The following HMGA2 variants were observed in gnomAD, a reference collection of about 807,000 sequenced individuals.
HMGA2 encodes high mobility group AT-hook 2.
In HMGA2, 8 loss-of-function variants were observed where a neutral mutation model predicts 19.1. That is an observed-to-expected ratio of 0.42 (90% CI 0.25 to 0.76). The LOEUF is 0.76. Among genes scored for constraint, HMGA2 ranks in the 30% least tolerant of loss-of-function variants. The pLI, the probability that HMGA2 is intolerant of heterozygous loss-of-function variation, is 0.28. For synonymous variants in HMGA2, 60 were observed against 48.8 expected (o/e 1.23, Z -0.96); for missense variants, 109 against 136.3 (o/e 0.80, Z 1.00).
At chr12:65,904,763 G>A (rs1874514178) in intron 3 of HMGA2, among the ~76,000 whole-genome samples, 1 of 152,110 alleles carries the variant, frequency 6.6e-6, no homozygotes, top group African/African-American at 2.4e-5. Flanking sequence ...GTAAATTATA[G>A]AGTGAAACTG....
At chr12:65,891,884 C>T (rs578034472) in intron 3 of HMGA2, among the ~76,000 whole-genome samples, 10 of 152,360 alleles carry the variant, frequency 6.6e-5, no homozygotes, top group African/African-American at 2.4e-4. Flanking sequence ...CCCAGCACAA[C>T]GGAGGCTACC....
intron 3 of HMGA2, among the ~76,000 whole-genome samples, chr12:65,937,339 C>T (rs1008289016): frequency 5.3e-5 from 8 of 152,058 alleles, no homozygotes; most frequent in African/African-American, 1.9e-4. Flanking sequence ...GACAGGGAGC[C>T]GGAAGAGCGG....
chr12:65,895,549 A>G (rs946146814), intron 3 of HMGA2, among the ~76,000 whole-genome samples: 1 of 152,218 alleles, frequency 6.6e-6, no homozygotes, highest in Non-Finnish European at 1.5e-5. Context: ...TAGACCTGGC[A>G]TTCCTTTTGC....
intron 3 of HMGA2, among the ~76,000 whole-genome samples, chr12:65,948,956 A>G (rs1260763287): frequency 6.6e-6 from 1 of 152,232 alleles, no homozygotes; most frequent in East Asian, 1.9e-4. Flanking sequence ...TCAGCCTGCA[A>G]GAATGTATGT....
intron 3 of HMGA2, among the ~76,000 whole-genome samples, chr12:65,890,039 A>G (rs368562102): frequency 2.6e-5 from 4 of 152,162 alleles, no homozygotes; most frequent in East Asian, 1.9e-4. Context: ...CAACAACAAC[A>G]TCGTCAACTC....
At chr12:65,895,620 A>G (rs1207478741) in intron 3 of HMGA2, among the ~76,000 whole-genome samples, 1 of 152,202 alleles carries the variant, frequency 6.6e-6, no homozygotes, top group East Asian at 1.9e-4. Flanking sequence ...TATATTTGCC[A>G]TATGTTAGTT....
chr12:65,911,880 T>C (rs1874860077), intron 3 of HMGA2, among the ~76,000 whole-genome samples: 1 of 152,220 alleles, frequency 6.6e-6, no homozygotes, highest in Non-Finnish European at 1.5e-5. Flanking sequence ...TGTATGTTTA[T>C]TAACAATTCC....
At chr12:65,952,282 T>G in intron 4 of HMGA2, 1 of 1,041,644 alleles carries the variant, frequency 9.6e-7, no homozygotes, top group Non-Finnish European at 1.4e-6. Flanking sequence ...AACTCTTTCA[T>G]GTAATTTTAA....
chr12:65,866,698 C>T (rs185904178), intron 3 of HMGA2: 81 of 414,386 alleles, frequency 2.0e-4, no homozygotes, highest in Admixed American at 1.9e-3. Flanking sequence ...TACCTTAGCC[C>T]GCTTCTCATT....
At chr12:65,861,300 A>G (rs1298169334) in intron 3 of HMGA2, among the ~76,000 whole-genome samples, 1 of 152,178 alleles carries the variant, frequency 6.6e-6, no homozygotes, top group Non-Finnish European at 1.5e-5. Context: ...TGGGAGGTGG[A>G]GGTTGCAGTG....
intron 3 of HMGA2, among the ~76,000 whole-genome samples, chr12:65,898,065 T>A (rs1874210220): frequency 6.6e-6 from 1 of 152,214 alleles, no homozygotes. Context: ...ATTTTAATTT[T>A]GCCTTGACTT....
chr12:65,927,686 G>A (rs1179877622), intron 3 of HMGA2, among the ~76,000 whole-genome samples: 78 of 152,026 alleles, frequency 5.1e-4, no homozygotes, highest in Non-Finnish European at 1.0e-4. Flanking sequence ...CTGATTTACA[G>A]CTAATTGTAT....
chr12:65,878,999 TTGCACAGAAACTG>T (rs1873208354), intron 3 of HMGA2, among the ~76,000 whole-genome samples: 2 of 152,246 alleles, frequency 1.3e-5, no homozygotes, highest in Admixed American at 1.3e-4. Flanking sequence ...CTATATAATG[TTGCACAGAAACTG>T]TGCAGTTTCT....
chr12:65,939,426 G>A (rs1368746026), intron 3 of HMGA2, among the ~76,000 whole-genome samples: 1 of 151,892 alleles, frequency 6.6e-6, no homozygotes, highest in Non-Finnish European at 1.5e-5. Flanking sequence ...CGTGATCTCG[G>A]CTCACTGCAA....
At chr12:65,903,088 T>G (rs1874440699) in intron 3 of HMGA2, among the ~76,000 whole-genome samples, 1 of 152,192 alleles carries the variant, frequency 6.6e-6, no homozygotes, top group African/African-American at 2.4e-5. Flanking sequence ...TTGTTTGTTT[T>G]TTTAAAGAAA....
In HMGA2 at chr12:65,907,582, G is replaced by A. The variant is rs147530032; in HGVS notation, c.250-43801G>A. Among the ~76,000 whole-genome samples, 177 of 152,184 alleles carry A rather than the reference G, an allele frequency of 1.2e-3. 1 individual carries two copies. The highest frequency in any genetic ancestry group is 4.0e-3 in the African/African-American group (164 of 41,512). ...TATGCCCCTCTTTGGAGGGACCTAG[G>A]AGGCCTATTCTTTGGGGAGTTCTTC... On this transcript the variant is annotated intron_variant, in intron 3 of 4. Coordinates refer to ENST00000403681, the MANE Select transcript of HMGA2 (RefSeq NM_003483.6).
chr12:65,846,630 T>G (rs1565706005), intron 3 of HMGA2, among the ~76,000 whole-genome samples: 1 of 152,216 alleles, frequency 6.6e-6, no homozygotes, highest in African/African-American at 2.4e-5. Flanking sequence ...AAACACTTTT[T>G]TTGTTGTTGT....
At chr12:65,908,791 A>C (rs1156241353) in intron 3 of HMGA2, among the ~76,000 whole-genome samples, 1 of 152,218 alleles carries the variant, frequency 6.6e-6, no homozygotes, top group Non-Finnish European at 1.5e-5. Context: ...TTTGCAACCC[A>C]ACTCCCATAT....
intron 3 of HMGA2, among the ~76,000 whole-genome samples, chr12:65,847,423 A>C (rs1409147458): frequency 1.3e-5 from 2 of 152,186 alleles, no homozygotes; most frequent in Admixed American, 1.3e-4. Flanking sequence ...TTTTTAAATC[A>C]CCAGGTCTTA....
Sources: allele counts gnomAD v4.1 joint callset (sites outside exome capture counted in the v4.1 genomes callset), GRCh38; gene constraint gnomAD v4.1.1; transcripts MANE v1.5; gene names NCBI Gene and HGNC (gene_info 2026-07-23, HGNC 2026-07-21).